HS6ST3: variants seen among roughly 807,000 people sequenced by gnomAD.
The protein encoded by HS6ST3 is heparan sulfate 6-O-sulfotransferase 3, also known as heparan-sulfate 6-O-sulfotransferase 3.
Under a neutral mutation model 36.7 loss-of-function variants are expected in HS6ST3, and 12 were observed. The observed-to-expected ratio is 0.33, with a 90% CI of 0.21 to 0.53. The LOEUF (loss-of-function observed/expected upper bound fraction) is 0.53. Among genes scored for constraint, HS6ST3 ranks in the 20% least tolerant of loss-of-function variants. The probability of loss-of-function intolerance (pLI) is 0.95; values close to 1 mark genes in which losing one functional copy is unlikely to be tolerated. For missense variants in HS6ST3, 584 were observed against 640.9 expected, an observed-to-expected ratio of 0.91 and a Z score of 0.96; for synonymous variants, 240 against 257.5, an observed-to-expected ratio of 0.93 and a Z score of 0.65.
In HS6ST3 at chr13:96,116,174, G is replaced by A. The variant is rs562244755; in HGVS notation, c.707+24605G>A. Reference sequence around the variant, plus strand: ...CTGGTCAGCTTCCGGGAACTCGGCCGCAGGAATTAGCTCTCCTTCAACGAC... The same window carrying A: ...CTGGTCAGCTTCCGGGAACTCGGCCACAGGAATTAGCTCTCCTTCAACGAC... On this transcript the variant is annotated intron_variant, in intron 1 of 1. Transcript: ENST00000376705. Among the ~76,000 whole-genome samples, 12 of 152,272 alleles carry A rather than the reference G, an allele frequency of 7.9e-5. No individual in the cohort carries two copies. In the South Asian group the frequency reaches 2.1e-3, roughly 26 times the overall value.
chr13:96,289,934 T>A (rs2054821660), intron 1 of HS6ST3, among the ~76,000 whole-genome samples: 1 of 152,034 alleles, frequency 6.6e-6, no homozygotes, highest in African/African-American at 2.4e-5. Context: ...AAAAGACATA[T>A]AAGATGCAGC....
intron 1 of HS6ST3, among the ~76,000 whole-genome samples, chr13:96,350,700 C>G (rs1250484547): frequency 1.3e-5 from 2 of 152,178 alleles, no homozygotes; most frequent in Admixed American, 1.3e-4. Flanking sequence ...TTTCTTTCCT[C>G]CACATGGATA....
Position 96,763,492 on chromosome 13 carries a change from A to G in HS6ST3, c.708-68998A>G, listed in dbSNP as rs955260185. On this transcript the variant is annotated intron_variant, in intron 1 of 1. Coordinates refer to ENST00000376705, the MANE Select transcript of HS6ST3 (RefSeq NM_153456.4). Reference sequence around the variant, plus strand: ...GGCAACAGAGTAAGACTCTGTCTCAAAAAAAATTATATAATATATATTTGT... The same window carrying G: ...GGCAACAGAGTAAGACTCTGTCTCAGAAAAAATTATATAATATATATTTGT... 4.7e-5 allele frequency among the ~76,000 whole-genome samples: 7 copies of G among 150,426 alleles called. No individual in the cohort carries two copies. The East Asian group carries it at 1.4e-3, about 29-fold the overall frequency.
At chr13:96,295,834 A>G (rs890333621) in intron 1 of HS6ST3, among the ~76,000 whole-genome samples, 3 of 152,116 alleles carry the variant, frequency 2.0e-5, no homozygotes, top group African/African-American at 7.2e-5. Context: ...GCTGATTGTC[A>G]GGGAAGAATG....
chr13:96,824,348 C>T (rs993410661), intron 1 of HS6ST3, among the ~76,000 whole-genome samples: 1 of 152,240 alleles, frequency 6.6e-6, no homozygotes, highest in Admixed American at 6.5e-5. Context: ...CGGAACCAAT[C>T]GCTGTGACAC....
At chr13:96,565,018 T>C (rs2056275844) in intron 1 of HS6ST3, among the ~76,000 whole-genome samples, 1 of 152,006 alleles carries the variant, frequency 6.6e-6, no homozygotes, top group South Asian at 2.1e-4. Flanking sequence ...CTACAGTACA[T>C]AAACTTGCAT....
intron 1 of HS6ST3, among the ~76,000 whole-genome samples, chr13:96,119,693 G>A (rs1317068130): frequency 6.6e-6 from 1 of 152,070 alleles, no homozygotes; most frequent in African/African-American, 2.4e-5. Flanking sequence ...GAGCCAGAGG[G>A]CCTGGAGGCT....
chr13:96,373,697 T>C (rs1475898858), intron 1 of HS6ST3, among the ~76,000 whole-genome samples: 3 of 152,174 alleles, frequency 2.0e-5, no homozygotes, highest in African/African-American at 7.2e-5. Flanking sequence ...GCTGTGTGTG[T>C]TAAGCAAATT....
At chr13:96,606,224 G>A (rs1346304202) in intron 1 of HS6ST3, among the ~76,000 whole-genome samples, 1 of 152,108 alleles carries the variant, frequency 6.6e-6, no homozygotes, top group Non-Finnish European at 1.5e-5. Context: ...TACTGTGTAT[G>A]TACCCAATGG....
In HS6ST3 at chr13:96,091,051, G is replaced by A. The variant is rs1365781506; in HGVS notation, c.189G>A (p.Glu63=). ...GPARRAQAPP[E]EWERRPQLPP... ...CCCGCCGGGCTCAGGCGCCGCCGGA[G>A]GAGTGGGAGCGGCGGCCCCAGTTGC... Residue 63 remains glutamate (E), a synonymous_variant, in exon 1 of 2, where the codon GAG becomes GAA. Coordinates refer to ENST00000376705, the MANE Select transcript of HS6ST3 (RefSeq NM_153456.4). 4.8e-6 allele frequency: 6 copies of A among 1,259,904 alleles called. No homozygotes were observed. The highest frequency in any genetic ancestry group is 4.3e-5 in the Admixed American group (1 of 23,400). 78.0% of individuals were successfully genotyped at this position (1,259,904 alleles called of 1,614,324 possible). A position where few individuals can be genotyped will look rare whatever the true frequency, so the allele number is the denominator to read the frequency against.
intron 1 of HS6ST3, among the ~76,000 whole-genome samples, chr13:96,821,152 C>A (rs190237664): frequency 2.0e-4 from 31 of 152,294 alleles, no homozygotes; most frequent in Middle Eastern, 3.4e-3. Context: ...TCTATAGCTT[C>A]TTCTAAGCTG....
At chr13:96,604,595 T>C (rs1263178948) in intron 1 of HS6ST3, among the ~76,000 whole-genome samples, 1 of 152,096 alleles carries the variant, frequency 6.6e-6, no homozygotes, top group African/African-American at 2.4e-5. Context: ...TTGTTAAGAG[T>C]ATAATGATTA....
chr13:96,288,400 A>G (rs2054813969), intron 1 of HS6ST3, among the ~76,000 whole-genome samples: 1 of 152,112 alleles, frequency 6.6e-6, no homozygotes. Context: ...TAGATTACTC[A>G]AAATGTTACC....
intron 1 of HS6ST3, among the ~76,000 whole-genome samples, chr13:96,256,703 A>G (rs568235901): frequency 3.0e-4 from 46 of 152,328 alleles, no homozygotes; most frequent in Non-Finnish European, 5.3e-4. Flanking sequence ...GAAGAGTCGT[A>G]AGGCAAAGGT....
chr13:96,245,477 C>T (rs953442840), intron 1 of HS6ST3, among the ~76,000 whole-genome samples: 1 of 152,126 alleles, frequency 6.6e-6, no homozygotes, highest in African/African-American at 2.4e-5. Context: ...TGTCTACTTT[C>T]TCATTGGTTC....
At position 96,763,184 on chromosome 13, in the gene HS6ST3, A is replaced by G. The variant is rs76500975; in HGVS notation, c.708-69306A>G. Among the ~76,000 whole-genome samples, 159 of 152,032 alleles carry G rather than the reference A, an allele frequency of 1.0e-3. 4 individuals carry two copies. The East Asian group carries it at 0.02, about 20-fold the overall frequency. ...TACTAAAAAGTTTTCAGGCCAGTTA[A>G]TTTTACAAAGGTTTTTTAAACATCA... is the stretch of plus-strand genomic sequence containing the variant. On this transcript the variant is annotated intron_variant, in intron 1 of 1. Coordinates refer to ENST00000376705, the MANE Select transcript of HS6ST3 (RefSeq NM_153456.4).
chr13:96,092,893 T>A (rs563823255), intron 1 of HS6ST3, among the ~76,000 whole-genome samples: 4 of 152,240 alleles, frequency 2.6e-5, no homozygotes, highest in Non-Finnish European at 5.9e-5. Context: ...GGATTTGGAA[T>A]GAGGGAATTA....
chr13:96,373,773 G>A (rs2055301687), intron 1 of HS6ST3, among the ~76,000 whole-genome samples: 1 of 152,142 alleles, frequency 6.6e-6, no homozygotes, highest in Non-Finnish European at 1.5e-5. Flanking sequence ...GAAATAAGTG[G>A]CTGGGTTTTT....
chr13:96,824,542 C>T (rs556258701), intron 1 of HS6ST3, among the ~76,000 whole-genome samples: 2 of 152,268 alleles, frequency 1.3e-5, no homozygotes, highest in South Asian at 4.1e-4. Flanking sequence ...CCGCAATACC[C>T]CTATCAAATA....
Sources: gnomAD v4.1 joint callset for allele counts (sites outside exome capture counted in the v4.1 genomes callset) on GRCh38, gnomAD v4.1.1 for gene constraint, MANE v1.5 for transcripts, NCBI Gene and HGNC (gene_info 2026-07-23, HGNC 2026-07-21) for gene names.